Variants in DYRK4 observed in about 807,000 individuals in gnomAD.
The protein encoded by DYRK4 is dual specificity tyrosine phosphorylation regulated kinase 4, also known as dual specificity tyrosine-phosphorylation-regulated kinase 4.
A neutral mutation model predicts 68.3 loss-of-function variants in DYRK4; 64 were observed. The ratio of observed to expected loss-of-function variants is 0.94; its 90% CI spans 0.77 to 1.15. The LOEUF (loss-of-function observed/expected upper bound fraction) is 1.15. DYRK4 is among the 50% of genes most tolerant of loss of function. The pLI, the probability that DYRK4 is intolerant of heterozygous loss-of-function variation, is 0.00. For synonymous variants in DYRK4, 274 were observed against 289.9 expected (o/e 0.95, Z 0.56); for missense variants, 740 against 764.7 (o/e 0.97, Z 0.38).
At chr12:4,603,948 A>G (rs796687171) in intron 10 of DYRK4, among the ~76,000 whole-genome samples, 18 of 152,300 alleles carry the variant, frequency 1.2e-4, no homozygotes, top group African/African-American at 3.9e-4. Context: ...GCAGTATCTA[A>G]TATTGATGCT....
Position 4,582,515 on chromosome 12 carries a change from C to T in DYRK4, c.133-6422C>T, listed in dbSNP as rs551629697. Among the ~76,000 whole-genome samples the T allele has an allele frequency of 1.1e-3, 173 of 152,146 alleles. 1 individual carries two copies. The highest frequency in any genetic ancestry group is 3.4e-3 in the Middle Eastern group (1 of 294). ...AGTCTTATATACCAGAAGAAGAAAC[C>T]AGTAAAACAACCTTGTCTAACAAGC... On this transcript the variant is annotated intron_variant, in intron 2 of 14. Transcript: ENST00000543431.
intron 2 of DYRK4, among the ~76,000 whole-genome samples, chr12:4,578,860 T>G (rs894206757): frequency 6.6e-6 from 1 of 152,212 alleles, no homozygotes; most frequent in East Asian, 1.9e-4. Flanking sequence ...CTAATGACCC[T>G]TGACTGATGA....
intron 2 of DYRK4, among the ~76,000 whole-genome samples, chr12:4,575,596 A>C (rs954423897): frequency 4.6e-5 from 7 of 152,134 alleles, no homozygotes; most frequent in Admixed American, 2.0e-4. Context: ...GGCATGAGCC[A>C]CCGTGCCCAG....
At position 4,613,417 on chromosome 12, in the gene DYRK4, G is replaced by T; in HGVS notation, c.1667-98G>T. The T allele has an allele frequency of 6.9e-7, 1 of 1,441,922 alleles. No homozygotes were observed. The highest frequency in any genetic ancestry group is 9.4e-7 in the Non-Finnish European group (1 of 1,065,608). 89.3% of individuals were successfully genotyped at this position (1,441,922 alleles called of 1,614,324 possible). A position where few individuals can be genotyped will look rare whatever the true frequency, so the allele number is the denominator to read the frequency against. On this transcript the variant is annotated intron_variant, in intron 14 of 14. Coordinates refer to ENST00000543431, the MANE Select transcript of DYRK4 (RefSeq NM_001394779.1). This position sits in a 1 kb window ranked among gnomAD's most constrained non-coding sequence, Gnocchi z 4.0. ...AATGAACTGTTTTTATATCATCACG[G>T]TCATCGTTTCCACTAAGTGATGTAC... is the stretch of plus-strand genomic sequence containing the variant.
chr12:4,595,914 T>C (rs930426880), intron 6 of DYRK4, among the ~76,000 whole-genome samples: 5 of 152,232 alleles, frequency 3.3e-5, no homozygotes, highest in Admixed American at 3.3e-4. Context: ...CTGCTTGACA[T>C]GGATCAAGCC....
Position 4,612,573 on chromosome 12 carries a change from C to T in DYRK4, c.1521C>T (p.Asp507=), listed in dbSNP as rs765866084. 6.2e-7 allele frequency: 1 copy of T among 1,614,086 alleles called. No homozygotes were observed. Among genetic ancestry groups the T allele is most frequent in the Non-Finnish European group, 8.5e-7 (1 of 1,180,044 alleles). ...VWEPSLRMTP[D]QALKHAWIHQ... ...AACCTTCTCTTCGCATGACCCCGGA[C>T]CAGGCCCTCAAGCATGCTTGGATTC... Residue 507 remains aspartate, a synonymous_variant, in exon 14 of 15, where the codon GAC becomes GAT. Transcript: ENST00000543431.
At chr12:4,610,058 G>A in intron 12 of DYRK4, 97 bp from the exon 13 acceptor site, 1 of 1,109,990 alleles carries the variant, frequency 9.0e-7, no homozygotes, top group Non-Finnish European at 1.3e-6. Context: ...GTAAGACAGA[G>A]AGCAAAAGAG....
chr12:4,590,927 G>A, intron 4 of DYRK4: 1 of 499,318 alleles, frequency 2.0e-6, no homozygotes, highest in Non-Finnish European at 3.5e-6. Flanking sequence ...TGCTGGGGTT[G>A]TCAGCAGCAT....
At chr12:4,572,431 G>A (rs10849097) in intron 2 of DYRK4, among the ~76,000 whole-genome samples, 54,573 of 151,856 alleles carry the variant, frequency 0.36, 10,770 homozygotes, top group Middle Eastern at 0.47. Flanking sequence ...ACAGGCGCCC[G>A]CCACCACACC....
intron 7 of DYRK4, 128 bp downstream of exon 7, chr12:4,596,413 AC>A: frequency 6.6e-7 from 1 of 1,524,348 alleles, no homozygotes; most frequent in Non-Finnish European, 8.8e-7. Context: ...TTCTCTTTCT[AC>A]CCGTCTGATT....
chr12:4,584,157 T>C (rs1412045194), intron 2 of DYRK4, among the ~76,000 whole-genome samples: 3 of 152,198 alleles, frequency 2.0e-5, no homozygotes, highest in Admixed American at 6.5e-5. Flanking sequence ...TATATTAGAA[T>C]GTGGCTCCCA....
chr12:4,610,570 G>A (rs770088617), intron 13 of DYRK4: 15 of 216,516 alleles, frequency 6.9e-5, no homozygotes, highest in Non-Finnish European at 1.2e-4. Flanking sequence ...GCGTATGGTA[G>A]AGTTTGTCAT....
intron 1 of DYRK4, 29 bp from the exon 2 acceptor site, chr12:4,567,926 C>G: frequency 6.6e-7 from 1 of 1,525,074 alleles, no homozygotes; most frequent in Non-Finnish European, 8.8e-7. Flanking sequence ...CTCCTCCTGC[C>G]AATTTATTTT....
At chr12:4,595,614 C>T (rs1305476552) in intron 6 of DYRK4, among the ~76,000 whole-genome samples, 1 of 152,048 alleles carries the variant, frequency 6.6e-6, no homozygotes, top group Non-Finnish European at 1.5e-5. Context: ...TCCCAGTAAG[C>T]CCAAAGGAGA....
chr12:4,563,097 G>A lies in DYRK4; in HGVS notation c.38+814G>A. On this transcript the variant is annotated intron_variant, in intron 1 of 14. Coordinates refer to ENST00000543431, the MANE Select transcript of DYRK4 (RefSeq NM_001394779.1). ...CGGCAAAAGCAGGAGGCCATTTAGT[G>A]GAAAAGTTCAAACCGTGGAAACAAC... 5 of 456,012 alleles carry A rather than the reference G, an allele frequency of 1.1e-5. 1 individual carries two copies. Among genetic ancestry groups the A allele is most frequent in the South Asian group, 7.7e-5 (5 of 64,564 alleles). The allele number at this position is 456,012 out of a possible 1,614,324, so 28.2% of individuals were successfully genotyped here.
At chr12:4,592,692 A>C in intron 5 of DYRK4, 1 of 232,994 alleles carries the variant, frequency 4.3e-6, no homozygotes, top group Non-Finnish European at 8.4e-6. Context: ...ACTATATACT[A>C]TTGTCGACAC....
chr12:4,598,768 C>T (rs1005259349), intron 8 of DYRK4, among the ~76,000 whole-genome samples: 1 of 152,130 alleles, frequency 6.6e-6, no homozygotes, highest in Non-Finnish European at 1.5e-5. Context: ...CCTCTTAACC[C>T]GCCTGCATAA....
chr12:4,579,135 C>T (rs995316477), intron 2 of DYRK4, among the ~76,000 whole-genome samples: 4 of 151,898 alleles, frequency 2.6e-5, no homozygotes, highest in African/African-American at 7.3e-5. Flanking sequence ...ATTAGCTGAG[C>T]GTGGTGGCGT....
chr12:4,574,027 C>T (rs1263713011), intron 2 of DYRK4, among the ~76,000 whole-genome samples: 5 of 152,024 alleles, frequency 3.3e-5, no homozygotes, highest in Admixed American at 3.3e-4. Context: ...AGATGGAGAC[C>T]ATCCTGGCTA....
Sources: gnomAD v4.1 joint callset for allele counts (sites outside exome capture counted in the v4.1 genomes callset) on GRCh38, gnomAD v4.1.1 for gene constraint, Gnocchi (gnomAD v3.1) non-coding constraint, MANE v1.5 for transcripts, NCBI Gene and HGNC (gene_info 2026-07-23, HGNC 2026-07-21) for gene names.